Variants in WDR25 observed in about 807,000 individuals in gnomAD.
The protein encoded by WDR25 is WD repeat domain 25, also known as WD repeat-containing protein 25.
A neutral mutation model predicts 47.7 loss-of-function variants in WDR25; 35 were observed. The observed-to-expected ratio is 0.73, with a 90% CI of 0.56 to 0.97. WDR25 has a LOEUF of 0.97. Among genes scored for constraint, WDR25 ranks in the 50% least tolerant of loss-of-function variants. The probability of loss-of-function intolerance (pLI) is 0.00; values close to 1 mark genes in which losing one functional copy is unlikely to be tolerated. For missense variants in WDR25, 634 were observed against 704.7 expected, an observed-to-expected ratio of 0.90 and a Z score of 1.14; for synonymous variants, 248 against 278.9, an observed-to-expected ratio of 0.89 and a Z score of 1.10.
intron 1 of WDR25, among the ~76,000 whole-genome samples, chr14:100,378,471 A>C (rs948962097): frequency 5.3e-5 from 8 of 152,112 alleles, no homozygotes; most frequent in Non-Finnish European, 8.8e-5. Context: ...CCTGCCCAGA[A>C]AGATTTTTTT....
chr14:100,420,866 G>A (rs1898006567), intron 2 of WDR25, among the ~76,000 whole-genome samples: 1 of 152,180 alleles, frequency 6.6e-6, no homozygotes, highest in Admixed American at 6.5e-5. Context: ...GTGAAGCCAT[G>A]CTGTGAGCGA....
chr14:100,399,112 T>C (rs890389792), intron 2 of WDR25, among the ~76,000 whole-genome samples: 3 of 152,058 alleles, frequency 2.0e-5, no homozygotes, highest in Non-Finnish European at 4.4e-5. Flanking sequence ...TTTTCCTCCT[T>C]CTGGATTTAA....
In WDR25 at chr14:100,392,602, G is replaced by C. The variant is rs906682063; in HGVS notation, c.822+10856G>C. On this transcript the variant is annotated intron_variant, in intron 2 of 6. Coordinates refer to ENST00000402312, the MANE Select transcript of WDR25 (RefSeq NM_001161476.3). The surrounding 1 kb of genome is among the most constrained non-coding windows in gnomAD (Gnocchi z 4.2). ...GTCCATACGGGCTGTGTTTGTCAGA[G>C]TGTGCGTGCAGCTCTGCAGCCTGTC... Among the ~76,000 whole-genome samples, 2 of 152,030 alleles carry C rather than the reference G, an allele frequency of 1.3e-5. No homozygotes were observed. The highest frequency in any genetic ancestry group is 2.9e-5 in the Non-Finnish European group (2 of 68,014).
chr14:100,443,585 C>G (rs1898735167), intron 2 of WDR25, among the ~76,000 whole-genome samples: 1 of 152,206 alleles, frequency 6.6e-6, no homozygotes, highest in African/African-American at 2.4e-5. Context: ...GCTGCAGCCT[C>G]ATGTCTCCTC....
chr14:100,416,650 C>T (rs1461622244), intron 2 of WDR25, among the ~76,000 whole-genome samples: 2 of 152,210 alleles, frequency 1.3e-5, no homozygotes, highest in African/African-American at 4.8e-5. Context: ...GGTTGCCTTT[C>T]TCCCTTGTCT....
intron 2 of WDR25, among the ~76,000 whole-genome samples, chr14:100,434,966 T>G (rs1898456658): frequency 6.6e-6 from 1 of 152,204 alleles, no homozygotes; most frequent in African/African-American, 2.4e-5. Flanking sequence ...GATCCTTCCT[T>G]CTGCTCCTGA....
At chr14:100,483,839 C>T (rs956995952) in intron 3 of WDR25, among the ~76,000 whole-genome samples, 155 bp from the exon 4 acceptor site, 25 of 152,158 alleles carry the variant, frequency 1.6e-4, no homozygotes, top group African/African-American at 2.7e-4. Flanking sequence ...TTGCTGCCAC[C>T]GCTGTCATAT....
At position 100,440,302 on chromosome 14, in the gene WDR25, A is replaced by G. The variant is rs780793728; in HGVS notation, c.823-27719A>G. Among the ~76,000 whole-genome samples the G allele has an allele frequency of 6.6e-6, 1 of 152,248 alleles. No homozygotes were observed. Among genetic ancestry groups the G allele is most frequent in the Admixed American group, 6.5e-5 (1 of 15,290 alleles). ...AATGTGCAGGAATTCTTTGATTGCA[A>G]AATAGCTACTCTCAAAATGCAGACA... On this transcript the variant is annotated intron_variant, in intron 2 of 6. Coordinates refer to ENST00000402312, the MANE Select transcript of WDR25 (RefSeq NM_001161476.3). This position sits in a 1 kb window ranked among gnomAD's most constrained non-coding sequence, Gnocchi z 4.4.
intron 3 of WDR25, among the ~76,000 whole-genome samples, chr14:100,479,184 G>A (rs931380321): frequency 2.0e-5 from 3 of 152,122 alleles, no homozygotes; most frequent in Non-Finnish European, 4.4e-5. Flanking sequence ...TGGCTGAAGC[G>A]AGTGTCCTGG....
Position 100,468,188 on chromosome 14 carries a change from T to A in WDR25, c.970+20T>A, listed in dbSNP as rs1314324935. 1 of 1,602,588 alleles carries A rather than the reference T, an allele frequency of 6.2e-7. No individual in the cohort carries two copies. Among genetic ancestry groups the A allele is most frequent in the Non-Finnish European group, 8.5e-7 (1 of 1,173,296 alleles). ...AAACAGGTGCGTTTCTTGTGTCACC[T>A]CCCTGAGGTGAGCTGGCAGCTCTCT... is the stretch of plus-strand genomic sequence containing the variant. On this transcript the variant is annotated intron_variant, in intron 3 of 6. Coordinates refer to ENST00000402312, the MANE Select transcript of WDR25 (RefSeq NM_001161476.3). This position sits in a 1 kb window ranked among gnomAD's most constrained non-coding sequence, Gnocchi z 4.5.
chr14:100,421,124 T>TG (rs1898014423), intron 2 of WDR25, among the ~76,000 whole-genome samples: 1 of 152,186 alleles, frequency 6.6e-6, no homozygotes, highest in South Asian at 2.1e-4. Flanking sequence ...AACTGGAATT[T>TG]TAACAGTGTC....
intron 4 of WDR25, among the ~76,000 whole-genome samples, chr14:100,494,445 C>T (rs1900665717): frequency 6.6e-6 from 1 of 152,224 alleles, no homozygotes; most frequent in African/African-American, 2.4e-5. Flanking sequence ...CTGATACTTG[C>T]TCTTCAAGCT....
chr14:100,454,090 G>C (rs1053508082), intron 2 of WDR25, among the ~76,000 whole-genome samples: 2 of 152,204 alleles, frequency 1.3e-5, no homozygotes, highest in African/African-American at 2.4e-5. Flanking sequence ...TGCTGCAAAT[G>C]TGAGCCCTTT....
At chr14:100,470,997 C>A (rs1053558915) in intron 3 of WDR25, among the ~76,000 whole-genome samples, 2 of 152,186 alleles carry the variant, frequency 1.3e-5, no homozygotes, top group African/African-American at 4.8e-5. Context: ...TTCGTTCACT[C>A]CGCAGTTGCT....
chr14:100,420,209 C>T (rs1897987267), intron 2 of WDR25, among the ~76,000 whole-genome samples: 1 of 152,260 alleles, frequency 6.6e-6, no homozygotes, highest in Non-Finnish European at 1.5e-5. Context: ...ACATGGGCCG[C>T]AGGCCCTGGC....
chr14:100,507,799 T>G (rs1191405569), intron 4 of WDR25, among the ~76,000 whole-genome samples: 1 of 152,156 alleles, frequency 6.6e-6, no homozygotes, highest in Admixed American at 6.5e-5. Flanking sequence ...CTGAAGTCAT[T>G]TATTAGTTCC....
chr14:100,422,310 C>T (rs1321995635), intron 2 of WDR25, among the ~76,000 whole-genome samples: 2 of 152,150 alleles, frequency 1.3e-5, no homozygotes, highest in African/African-American at 4.8e-5. Flanking sequence ...CTTCCTCATC[C>T]CATGGCAGCT....
At chr14:100,518,353 T>C (rs913109550) in intron 4 of WDR25, among the ~76,000 whole-genome samples, 2 of 152,216 alleles carry the variant, frequency 1.3e-5, no homozygotes, top group African/African-American at 4.8e-5. Flanking sequence ...TTCAAATTGT[T>C]CTCCTCTGTG....
At chr14:100,463,465 C>T (rs1324720678) in intron 2 of WDR25, among the ~76,000 whole-genome samples, 1 of 152,138 alleles carries the variant, frequency 6.6e-6, no homozygotes, top group African/African-American at 2.4e-5. Context: ...TCTTCTTAGA[C>T]TCCTTTCTGG....
Sources: allele counts gnomAD v4.1 joint callset (sites outside exome capture counted in the v4.1 genomes callset), GRCh38; gene constraint gnomAD v4.1.1; non-coding constraint Gnocchi (gnomAD v3.1); transcripts MANE v1.5; gene names NCBI Gene and HGNC (gene_info 2026-07-23, HGNC 2026-07-21).